Variants in CDIN1 observed in about 807,000 individuals in gnomAD.
CDIN1 encodes CDAN1-interacting nuclease 1.
CDIN1 carries 33 observed loss-of-function variants against 45.3 expected under a neutral mutation model. The ratio of observed to expected loss-of-function variants is 0.73; its 90% CI spans 0.55 to 0.97. The LOEUF (loss-of-function observed/expected upper bound fraction) is 0.97, where lower values mean the gene tolerates loss of function less well. Among genes scored for constraint, CDIN1 ranks in the 50% least tolerant of loss-of-function variants. The pLI is 0.00. For synonymous variants in CDIN1, 118 were observed against 124.4 expected, an observed-to-expected ratio of 0.95 and a Z score of 0.34; for missense variants, 303 against 339.4, an observed-to-expected ratio of 0.89 and a Z score of 0.84.
chr15:36,669,884 C>G (rs1762931190), intron 5 of CDIN1, among the ~76,000 whole-genome samples: 1 of 152,018 alleles, frequency 6.6e-6, no homozygotes, highest in South Asian at 2.1e-4. Context: ...GTTATGTTAA[C>G]CTTAATCTGT....
chr15:36,718,597 C>T (rs536587369), intron 10 of CDIN1, among the ~76,000 whole-genome samples: 71 of 152,000 alleles, frequency 4.7e-4, no homozygotes, highest in African/African-American at 1.5e-3. Flanking sequence ...GATGTAAGTA[C>T]TTCATAGTTC....
intron 1 of CDIN1, among the ~76,000 whole-genome samples, chr15:36,620,476 A>AT (rs1034237628): frequency 6.6e-6 from 1 of 151,754 alleles, no homozygotes. Context: ...ATGGGAAACA[A>AT]TTTTTTTTTC....
intron 10 of CDIN1, among the ~76,000 whole-genome samples, chr15:36,712,191 TC>T (rs2140842790): frequency 6.6e-6 from 1 of 151,084 alleles, no homozygotes; most frequent in East Asian, 1.9e-4. Context: ...TACCTAATTG[TC>T]CCACTATTTT....
chr15:36,718,061 A>G (rs1242879676), intron 10 of CDIN1, among the ~76,000 whole-genome samples: 1 of 151,886 alleles, frequency 6.6e-6, no homozygotes, highest in Non-Finnish European at 1.5e-5. Context: ...TTTATTTTAT[A>G]TTTTAGTATT....
chr15:36,772,384 G>A (rs1400576095), intron 10 of CDIN1, among the ~76,000 whole-genome samples: 1 of 152,132 alleles, frequency 6.6e-6, no homozygotes, highest in Non-Finnish European at 1.5e-5. Context: ...ATAACATAAT[G>A]TACAATATTT....
intron 10 of CDIN1, among the ~76,000 whole-genome samples, chr15:36,740,521 T>C (rs1286253301): frequency 6.6e-6 from 1 of 152,174 alleles, no homozygotes; most frequent in Admixed American, 6.5e-5. Context: ...GCTCAGCTCA[T>C]CTCATGTGGC....
At chr15:36,638,621 C>T (rs955796852) in intron 1 of CDIN1, among the ~76,000 whole-genome samples, 1 of 152,174 alleles carries the variant, frequency 6.6e-6, no homozygotes, top group African/African-American at 2.4e-5. Flanking sequence ...TAATCCTTGA[C>T]TGTTTTCTGC....
chr15:36,661,294 A>G (rs1016108823), intron 5 of CDIN1, among the ~76,000 whole-genome samples: 2 of 152,106 alleles, frequency 1.3e-5, no homozygotes, highest in Non-Finnish European at 2.9e-5. Context: ...AGAGCTCTTC[A>G]CTCATCATGC....
At chr15:36,685,767 C>A (rs1259874181) in intron 5 of CDIN1, among the ~76,000 whole-genome samples, 1 of 152,124 alleles carries the variant, frequency 6.6e-6, no homozygotes, top group African/African-American at 2.4e-5. Flanking sequence ...ACAGACACTT[C>A]TCAAAAGAAG....
chr15:36,733,886 C>G (rs879933525), intron 10 of CDIN1, among the ~76,000 whole-genome samples: 16 of 152,124 alleles, frequency 1.1e-4, no homozygotes, highest in Non-Finnish European at 1.8e-4. Context: ...GTAGGGCCTT[C>G]AAGACCTTTC....
chr15:36,687,707 GA>G (rs577038549), intron 5 of CDIN1, among the ~76,000 whole-genome samples: 4 of 150,096 alleles, frequency 2.7e-5, no homozygotes, highest in African/African-American at 7.3e-5. Flanking sequence ...ATGTGTAGTT[GA>G]AAAAAAAATA....
intron 5 of CDIN1, among the ~76,000 whole-genome samples, chr15:36,670,475 C>T (rs182779071): frequency 3.9e-5 from 6 of 152,160 alleles, no homozygotes; most frequent in East Asian, 1.9e-4. Flanking sequence ...CTTTGTATTT[C>T]GGGTTGATTT....
At chr15:36,783,672 C>A (rs112966232) in intron 10 of CDIN1, among the ~76,000 whole-genome samples, 5 of 152,014 alleles carry the variant, frequency 3.3e-5, no homozygotes, top group Admixed American at 6.6e-5. Flanking sequence ...ACAGTAAACA[C>A]GGGAAACGTA....
Position 36,692,118 on chromosome 15 carries a change from G to T in CDIN1, c.427-8G>T. 1 of 1,613,354 alleles carries T rather than the reference G, an allele frequency of 6.2e-7. No homozygotes were observed. The highest frequency in any genetic ancestry group is 8.5e-7 in the Non-Finnish European group (1 of 1,179,684). ...CCACCCCAGACCCCTTTTCTTATTT[G>T]TCTGCAGTGCATTGTGAACGACTGC... On this transcript the variant is annotated splice_region_variant and splice_polypyrimidine_tract_variant and intron_variant, in intron 6 of 10. Coordinates refer to ENST00000566621, the MANE Select transcript of CDIN1 (RefSeq NM_001321759.2).
rs1566991225 is a variant in CDIN1 at position 36,808,934 on chromosome 15, A to G, written c.*481A>G. On this transcript the variant is annotated 3_prime_UTR_variant, in exon 11 of 11. Coordinates refer to ENST00000566621, the MANE Select transcript of CDIN1 (RefSeq NM_001321759.2). ...CAGCATTGCATTACCATCGTGGAAT[A>G]ATCTAGCGCAAACCTAGGAAAGCTG... The G allele has an allele frequency of 4.4e-6, 2 of 455,948 alleles. No individual in the cohort carries two copies. The highest frequency in any genetic ancestry group is 8.8e-6 in the Non-Finnish European group (2 of 226,750). 28.2% of individuals were successfully genotyped at this position (455,948 alleles called of 1,614,324 possible). A position where few individuals can be genotyped will look rare whatever the true frequency, so the allele number is the denominator to read the frequency against.
rs139959894 is a variant in CDIN1 at position 36,582,765 on chromosome 15, G to A, written c.101+2804G>A. The stretch of plus-strand genomic sequence containing the variant: ...GTATACTGACAAATTTAAAAAAATT[G>A]TACTAGTCCTTTTACTAGCAGAGCG... On this transcript the variant is annotated intron_variant, in intron 1 of 10. Coordinates refer to ENST00000566621, the MANE Select transcript of CDIN1 (RefSeq NM_001321759.2). 4.8e-3 allele frequency among the ~76,000 whole-genome samples: 736 copies of A among 152,244 alleles called. 6 individuals carry two copies. The highest frequency in any genetic ancestry group is 8.8e-3 in the Non-Finnish European group (599 of 68,012).
Position 36,668,524 on chromosome 15 carries a change from G to A in CDIN1, c.346+10619G>A, listed in dbSNP as rs541397410. 3.9e-5 allele frequency among the ~76,000 whole-genome samples: 6 copies of A among 152,174 alleles called. No individual in the cohort carries two copies. In the South Asian group the frequency reaches 8.3e-4, roughly 21 times the overall value. ...AAGCCTACATGTCCTGCTTACTCTT[G>A]TTACATGCCTGAATGCACAAATGAA... On this transcript the variant is annotated intron_variant, in intron 5 of 10. Transcript: ENST00000566621.
intron 10 of CDIN1, among the ~76,000 whole-genome samples, chr15:36,751,229 T>TATATATA (rs1555404178): frequency 0.049 from 4,728 of 97,364 alleles, 241 homozygotes; most frequent in East Asian, 0.071. Context: ...TATGCTTATT[T>TATATATA]TATATATATA....
At chr15:36,637,210 AAACT>A (rs1455300971) in intron 1 of CDIN1, among the ~76,000 whole-genome samples, 2 of 152,236 alleles carry the variant, frequency 1.3e-5, no homozygotes, top group Non-Finnish European at 2.9e-5. Context: ...TAATAAAAAC[AAACT>A]GTGATCCCCT....
Sources: allele counts gnomAD v4.1 joint callset (sites outside exome capture counted in the v4.1 genomes callset), GRCh38; gene constraint gnomAD v4.1.1; transcripts MANE v1.5; gene names NCBI Gene and HGNC (gene_info 2026-07-23, HGNC 2026-07-21).